BMPR1A: variants seen among roughly 807,000 people sequenced by gnomAD.
BMPR1A encodes the protein bone morphogenetic protein receptor type 1A.
A neutral mutation model predicts 66.0 loss-of-function variants in BMPR1A; 7 were observed. The observed-to-expected ratio is 0.11, with a 90% CI of 0.06 to 0.20. The LOEUF (loss-of-function observed/expected upper bound fraction) is 0.20. Ranked by LOEUF, BMPR1A falls within the 10% of genes least tolerant of loss-of-function variation. BMPR1A has a pLI of 1.00. For synonymous variants in BMPR1A, 200 were observed against 229.7 expected, an observed-to-expected ratio of 0.87 and a Z score of 1.17; for missense variants, 408 against 669.1, an observed-to-expected ratio of 0.61 and a Z score of 4.31.
In BMPR1A at chr10:86,830,135, T is replaced by C. The variant is rs531002429; in HGVS notation, c.-267-8730T>C. Among the ~76,000 whole-genome samples, 7 of 152,222 alleles carry C rather than the reference T, an allele frequency of 4.6e-5. No individual in the cohort carries two copies. The East Asian group carries it at 7.7e-4, about 17-fold the overall frequency. On this transcript the variant is annotated intron_variant, in intron 1 of 12. Coordinates refer to ENST00000372037, the MANE Select transcript of BMPR1A (RefSeq NM_004329.3). ...TGGATGGAAAATTCTCAAGAGGAAA[T>C]GTCAGGTGTAAGGGGTTTCTGCCTA...
chr10:86,893,688 T>C (rs993818970), intron 5 of BMPR1A, among the ~76,000 whole-genome samples: 2 of 151,728 alleles, frequency 1.3e-5, no homozygotes, highest in African/African-American at 4.8e-5. Context: ...CTCGGGAGGC[T>C]GAGGCAGGAG....
intron 2 of BMPR1A, among the ~76,000 whole-genome samples, chr10:86,851,739 C>T (rs2133184891): frequency 6.6e-6 from 1 of 152,228 alleles, no homozygotes; most frequent in East Asian, 1.9e-4. Flanking sequence ...GAAGGAGTGC[C>T]TGTGAAGGGA....
intron 1 of BMPR1A, among the ~76,000 whole-genome samples, chr10:86,820,665 T>C (rs971883720): frequency 2.6e-4 from 40 of 152,300 alleles, no homozygotes; most frequent in Admixed American, 1.2e-3. Context: ...CTCAGAGCTA[T>C]GTACCGTGCT....
At chr10:86,773,728 A>C (rs1383064818) in intron 1 of BMPR1A, among the ~76,000 whole-genome samples, 1 of 151,976 alleles carries the variant, frequency 6.6e-6, no homozygotes, top group African/African-American at 2.4e-5. Flanking sequence ...TGCGTTCTTT[A>C]TTTATAGGTT....
chr10:86,820,874 C>A (rs951831159), intron 1 of BMPR1A, among the ~76,000 whole-genome samples: 7 of 151,980 alleles, frequency 4.6e-5, no homozygotes, highest in East Asian at 1.9e-4. Context: ...AAATAATAAT[C>A]ATCTTTTCAC....
chr10:86,788,899 G>A (rs747589100), intron 1 of BMPR1A, among the ~76,000 whole-genome samples: 19 of 152,104 alleles, frequency 1.2e-4, no homozygotes, highest in Middle Eastern at 6.8e-3. Flanking sequence ...GAGCCACTGC[G>A]CCCAGTTCTG....
chr10:86,855,439 C>T (rs1435851397), intron 2 of BMPR1A: 1 of 642,398 alleles, frequency 1.6e-6, no homozygotes, highest in Non-Finnish European at 2.7e-6. Context: ...TTTCTTATGC[C>T]TATTAGAGTT....
chr10:86,766,950 A>C (rs1195827285), intron 1 of BMPR1A, among the ~76,000 whole-genome samples: 2 of 151,472 alleles, frequency 1.3e-5, no homozygotes, highest in African/African-American at 4.9e-5. Flanking sequence ...CAGCCTCCGG[A>C]GTAGCTCAGA....
chr10:86,845,572 C>T (rs946155995), intron 2 of BMPR1A, among the ~76,000 whole-genome samples: 4 of 152,280 alleles, frequency 2.6e-5, no homozygotes, highest in Non-Finnish European at 4.4e-5. Context: ...AGCCACAGTG[C>T]GGAGAGGGGT....
chr10:86,766,244 G>T (rs1282057903), intron 1 of BMPR1A, among the ~76,000 whole-genome samples: 1 of 152,052 alleles, frequency 6.6e-6, no homozygotes. Flanking sequence ...CTCCCACCTA[G>T]GCCTCCCAAA....
At chr10:86,795,625 T>A (rs1487125912) in intron 1 of BMPR1A, among the ~76,000 whole-genome samples, 3 of 152,162 alleles carry the variant, frequency 2.0e-5, no homozygotes, top group South Asian at 2.1e-4. Flanking sequence ...CATTTGCCAC[T>A]ATGTCTTCAA....
At chr10:86,865,787 T>C (rs1348173915) in intron 2 of BMPR1A, among the ~76,000 whole-genome samples, 2 of 152,264 alleles carry the variant, frequency 1.3e-5, no homozygotes, top group East Asian at 3.8e-4. Context: ...AAACTGTATG[T>C]CCTGTCATAT....
In BMPR1A at chr10:86,927,769, A is replaced by C. The variant is rs1446085292; in HGVS notation, c.*4050A>C. Reference sequence around the variant, plus strand: ...GGAAACTGTACATAGGCATTGAAAGAAGGGTAAAAGCAAGCAGTTTTATCA... The same window carrying C: ...GGAAACTGTACATAGGCATTGAAAGCAGGGTAAAAGCAAGCAGTTTTATCA... On this transcript the variant is annotated 3_prime_UTR_variant, in exon 13 of 13. Transcript: ENST00000372037. 1 of 198,804 alleles carries C rather than the reference A, an allele frequency of 5.0e-6. No homozygotes were observed. Among genetic ancestry groups the C allele is most frequent in the East Asian group, 7.9e-5 (1 of 12,706 alleles). 12.3% of individuals were successfully genotyped at this position (198,804 alleles called of 1,614,324 possible). A position where few individuals can be genotyped will look rare whatever the true frequency, so the allele number is the denominator to read the frequency against.
In BMPR1A at chr10:86,925,378, A is replaced by G. The variant is rs192424201; in HGVS notation, c.*1659A>G. The G allele has an allele frequency of 6.7e-4, 147 of 219,974 alleles. No individual in the cohort carries two copies. The highest frequency in any genetic ancestry group is 8.2e-4 in the Non-Finnish European group (90 of 109,816). 13.6% of individuals were successfully genotyped at this position (219,974 alleles called of 1,614,324 possible). A position where few individuals can be genotyped will look rare whatever the true frequency, so the allele number is the denominator to read the frequency against. On this transcript the variant is annotated 3_prime_UTR_variant, in exon 13 of 13. Transcript: ENST00000372037. ...TTAAATTAAATGGGAGGAAATCAGC[A>G]TATGTCCACCCATTACCAAAATTTG...
chr10:86,892,090 TTTATG>T, intron 4 of BMPR1A, 32 bp from the exon 5 acceptor site: 2 of 1,533,426 alleles, frequency 1.3e-6, no homozygotes, highest in Non-Finnish European at 1.8e-6. Context: ...TCTATGTGAA[TTTATG>T]TTTTGTTTTG....
In BMPR1A at chr10:86,923,361, C is replaced by A; in HGVS notation, c.1343-15C>A. ...GCAACCATTTTTGTGCCCATGTTTT[C>A]TCATTCCCTTATAGGGATCGTGGAA... On this transcript the variant is annotated splice_polypyrimidine_tract_variant and intron_variant, in intron 11 of 12. Transcript: ENST00000372037. The A allele has an allele frequency of 6.2e-7, 1 of 1,613,902 alleles. No homozygotes were observed. The highest frequency in any genetic ancestry group is 8.5e-7 in the Non-Finnish European group (1 of 1,180,008).
chr10:86,884,394 A>AT (rs759424209), intron 3 of BMPR1A, among the ~76,000 whole-genome samples: 1,246 of 49,312 alleles, frequency 0.025, 413 homozygotes, highest in Non-Finnish European at 0.041. Flanking sequence ...CAAACACATG[A>AT]TTTTTTTTTT....
chr10:86,875,070 T>C (rs954241358), intron 2 of BMPR1A, among the ~76,000 whole-genome samples: 3 of 151,962 alleles, frequency 2.0e-5, no homozygotes, highest in Admixed American at 6.6e-5. Context: ...GCACCCTCTT[T>C]AATTAAATAT....
At chr10:86,888,852 A>G (rs2133387931) in intron 3 of BMPR1A, among the ~76,000 whole-genome samples, 1 of 150,808 alleles carries the variant, frequency 6.6e-6, no homozygotes, top group African/African-American at 2.5e-5. Context: ...AAAAGTGAAA[A>G]TTATTGAAAC....
Sources: allele counts gnomAD v4.1 joint callset (sites outside exome capture counted in the v4.1 genomes callset), GRCh38; gene constraint gnomAD v4.1.1; transcripts MANE v1.5; gene names NCBI Gene and HGNC (gene_info 2026-07-23, HGNC 2026-07-21).